DNAI4: variants seen among roughly 807,000 people sequenced by gnomAD.
DNAI4 encodes dynein axonemal intermediate chain 4.
Under a neutral mutation model 105.8 loss-of-function variants are expected in DNAI4, and 85 were observed. That is an observed-to-expected ratio of 0.80 (90% CI 0.67 to 0.96). The LOEUF (loss-of-function observed/expected upper bound fraction) is 0.96, where lower values mean the gene tolerates loss of function less well. Ranked by LOEUF, DNAI4 falls within the 40% of genes least tolerant of loss-of-function variation. The pLI, the probability that DNAI4 is intolerant of heterozygous loss-of-function variation, is 0.00. For missense variants in DNAI4, 1,014 were observed against 1,005.6 expected, an observed-to-expected ratio of 1.01 and a Z score of -0.11; for synonymous variants, 352 against 331.5, an observed-to-expected ratio of 1.06 and a Z score of -0.67.
At chr1:66,904,188 G>A (rs1202901415) in intron 2 of DNAI4, among the ~76,000 whole-genome samples, 1 of 152,090 alleles carries the variant, frequency 6.6e-6, no homozygotes. Context: ...GAACATTCAT[G>A]TAGTAGTGTT....
intron 1 of DNAI4, chr1:66,921,299 A>C (rs1362242958): frequency 6.6e-6 from 1 of 152,242 alleles, no homozygotes; most frequent in African/African-American, 2.4e-5. Context: ...AGACTTGTCC[A>C]GTATTGTAAA....
intron 1 of DNAI4, among the ~76,000 whole-genome samples, chr1:66,919,839 G>T (rs1457921644): frequency 2.6e-5 from 4 of 152,138 alleles, no homozygotes; most frequent in African/African-American, 9.7e-5. Flanking sequence ...AAAATGTACT[G>T]AAAAGCACTT....
intron 7 of DNAI4, among the ~76,000 whole-genome samples, chr1:66,857,793 T>C (rs1646534500): frequency 6.6e-6 from 1 of 151,910 alleles, no homozygotes; most frequent in Non-Finnish European, 1.5e-5. Context: ...ATCATGTTGG[T>C]CAGGCTGGTC....
At chr1:66,848,928 C>T (rs1371374067) in intron 7 of DNAI4, among the ~76,000 whole-genome samples, 3 of 152,208 alleles carry the variant, frequency 2.0e-5, no homozygotes, top group Middle Eastern at 3.2e-3. Flanking sequence ...GTCTTACACC[C>T]TCACTAGGCT....
intron 15 of DNAI4, 106 bp from the exon 16 acceptor site, chr1:66,822,623 A>G: frequency 4.8e-6 from 5 of 1,044,172 alleles, no homozygotes; most frequent in Non-Finnish European, 1.3e-6. Context: ...AACAAAAACC[A>G]TAAGCCTATT....
chr1:66,878,797 G>A (rs1019603392), intron 4 of DNAI4, among the ~76,000 whole-genome samples: 1 of 152,108 alleles, frequency 6.6e-6, no homozygotes, highest in African/African-American at 2.4e-5. Flanking sequence ...CATGTACAAT[G>A]ATTCAGAATT....
intron 11 of DNAI4, among the ~76,000 whole-genome samples, 155 bp from the exon 12 acceptor site, chr1:66,834,303 T>C (rs781145449): frequency 6.6e-6 from 1 of 152,022 alleles, no homozygotes. Flanking sequence ...TAAATATTTT[T>C]AAAAAAGAAA....
chr1:66,814,055 C>G lies in DNAI4; in HGVS notation c.*75G>C. On this transcript the variant is annotated 3_prime_UTR_variant, in exon 17 of 17. Coordinates refer to ENST00000371026, the MANE Select transcript of DNAI4 (RefSeq NM_024763.5). ...TTTTCTGAAATCAAAATCTGGTGTA[C>G]AGTATGTAATACAGAATATTGGATG... is the stretch of plus-strand genomic sequence containing the variant. The G allele has an allele frequency of 1.8e-6, 2 of 1,107,640 alleles. No homozygotes were observed. The highest frequency in any genetic ancestry group is 3.2e-5 in the African/African-American group (2 of 62,854). The allele number at this position is 1,107,640 out of a possible 1,614,324, so 68.6% of individuals were successfully genotyped here. A position where few individuals can be genotyped will look rare whatever the true frequency, so the allele number is the denominator to read the frequency against.
intron 16 of DNAI4, among the ~76,000 whole-genome samples, chr1:66,815,504 A>C (rs966584321): frequency 2.0e-5 from 3 of 152,206 alleles, no homozygotes; most frequent in Non-Finnish European, 4.4e-5. Flanking sequence ...TATTTCAGTT[A>C]TCTTTTTATT....
intron 16 of DNAI4, among the ~76,000 whole-genome samples, chr1:66,821,298 C>A (rs965565111): frequency 2.6e-5 from 4 of 151,854 alleles, no homozygotes; most frequent in African/African-American, 9.7e-5. Context: ...AGAGTTTCAC[C>A]ATATTGGCCA....
chr1:66,865,753 GA>G (rs1277520276), intron 6 of DNAI4, among the ~76,000 whole-genome samples: 2 of 152,006 alleles, frequency 1.3e-5, no homozygotes, highest in Non-Finnish European at 2.9e-5. Flanking sequence ...GCCTCAGCCA[GA>G]AATGACCGAG....
chr1:66,891,716 G>A (rs12044336), intron 3 of DNAI4, among the ~76,000 whole-genome samples: 11,245 of 152,208 alleles, frequency 0.074, 1,128 homozygotes, highest in East Asian at 0.43. Flanking sequence ...TGCCCACCTC[G>A]GCCTCCCAAA....
intron 4 of DNAI4, among the ~76,000 whole-genome samples, chr1:66,886,364 T>G (rs1647201379): frequency 6.6e-6 from 1 of 152,224 alleles, no homozygotes; most frequent in African/African-American, 2.4e-5. Context: ...CTTGAAAATA[T>G]ATTTTTCTTG....
rs1439032921 is a variant in DNAI4 at position 66,871,419 on chromosome 1, T to C, written c.891A>G (p.Ala297=). The part of the protein sequence containing the change: ...VERMMQTFNG[A]PKNKDVQCDK... ...CACATTGAACATCTTTATTCTTTGG[T>C]GCTCCATTGAAAGTCTGCATCATCC... Residue 297 remains alanine (A), a synonymous_variant, in exon 6 of 17, where the codon GCA becomes GCG. Coordinates refer to ENST00000371026, the MANE Select transcript of DNAI4 (RefSeq NM_024763.5). 1.2e-6 allele frequency: 2 copies of C among 1,612,440 alleles called. No homozygotes were observed. The highest frequency in any genetic ancestry group is 3.3e-5 in the Admixed American group (2 of 59,936).
intron 16 of DNAI4, among the ~76,000 whole-genome samples, chr1:66,818,393 G>C (rs1645560688): frequency 6.6e-6 from 1 of 151,890 alleles, no homozygotes; most frequent in South Asian, 2.1e-4. Context: ...TTATAAATGA[G>C]ATTTAAAATA....
chr1:66,857,606 C>T (rs1646530293), intron 7 of DNAI4, among the ~76,000 whole-genome samples: 1 of 150,644 alleles, frequency 6.6e-6, no homozygotes, highest in Non-Finnish European at 1.5e-5. Context: ...ACGATCTTGG[C>T]TCCCCACAAC....
chr1:66,874,778 T>G lies in DNAI4; in HGVS notation c.800+3A>C. ...ACAATGTAGACAACTGAACCATACA[T>G]ACGTTACTTTCTCAGCTTCTTCAGA... On this transcript the variant is annotated splice_donor_region_variant and intron_variant, in intron 5 of 16. Coordinates refer to ENST00000371026, the MANE Select transcript of DNAI4 (RefSeq NM_024763.5). 6.2e-7 allele frequency: 1 copy of G among 1,604,140 alleles called. No homozygotes were observed. Among genetic ancestry groups the G allele is most frequent in the Non-Finnish European group, 8.5e-7 (1 of 1,177,338 alleles).
chr1:66,860,200 A>C (rs922187259), intron 7 of DNAI4, among the ~76,000 whole-genome samples: 1 of 152,112 alleles, frequency 6.6e-6, no homozygotes, highest in Admixed American at 6.5e-5. Flanking sequence ...ATAAAAAATA[A>C]TTTTTCTCTA....
At chr1:66,906,948 C>A (rs1419106169) in intron 1 of DNAI4, 2 of 152,132 alleles carry the variant, frequency 1.3e-5, no homozygotes, top group African/African-American at 4.8e-5. Context: ...AAACTTGTCA[C>A]TGGTGTCTCA....
Sources: gnomAD v4.1 joint callset for allele counts (sites outside exome capture counted in the v4.1 genomes callset) on GRCh38, gnomAD v4.1.1 for gene constraint, MANE v1.5 for transcripts, NCBI Gene and HGNC (gene_info 2026-07-23, HGNC 2026-07-21) for gene names.